The following NRXN1 variants were observed in gnomAD, a reference collection of about 807,000 sequenced individuals.
NRXN1 encodes neurexin-1.
Under a neutral mutation model 150.9 loss-of-function variants are expected in NRXN1, and 39 were observed. The observed-to-expected ratio is 0.26, with a 90% CI of 0.20 to 0.34. The LOEUF is 0.34. NRXN1 is among the 10% of genes least tolerant of loss of function. The pLI is 1.00. For missense variants in NRXN1, 1,815 were observed against 1,949.9 expected (o/e 0.93, Z 1.30); for synonymous variants, 924 against 757.0 (o/e 1.22, Z -3.62).
intron 5 of NRXN1, among the ~76,000 whole-genome samples, chr2:50,742,744 T>G (rs1303926261): frequency 6.6e-6 from 1 of 152,164 alleles, no homozygotes; most frequent in Non-Finnish European, 1.5e-5. Flanking sequence ...TTGAGAGGAT[T>G]GAGTCCTCAA....
chr2:50,280,162 C>T, intron 17 of NRXN1, among the ~76,000 whole-genome samples: 1 of 151,428 alleles, frequency 6.6e-6, no homozygotes, highest in East Asian at 2.0e-4. Context: ...CCTGTAGTCC[C>T]AGCTACTTGG....
At chr2:50,655,556 C>A (rs925031797) in intron 5 of NRXN1, among the ~76,000 whole-genome samples, 2 of 152,026 alleles carry the variant, frequency 1.3e-5, no homozygotes, top group African/African-American at 4.8e-5. Flanking sequence ...TGTTAAAAAG[C>A]CTCAGCGCTG....
chr2:50,415,895 A>C (rs1268423809), intron 17 of NRXN1, among the ~76,000 whole-genome samples: 1 of 150,112 alleles, frequency 6.7e-6, no homozygotes, highest in Admixed American at 6.7e-5. Context: ...ACTGTGAATC[A>C]CTTTCAAATT....
At chr2:50,511,795 G>C (rs766404008) in intron 12 of NRXN1, among the ~76,000 whole-genome samples, 7 of 151,998 alleles carry the variant, frequency 4.6e-5, no homozygotes, top group African/African-American at 1.2e-4. Flanking sequence ...TAGAGAGAGA[G>C]ACACACACTC....
intron 5 of NRXN1, among the ~76,000 whole-genome samples, chr2:50,754,028 G>T (rs1700912341): frequency 6.7e-6 from 1 of 148,746 alleles, no homozygotes; most frequent in Non-Finnish European, 1.5e-5. Flanking sequence ...AAATAATATT[G>T]CAGGAAAACA....
chr2:50,901,535 C>A (rs1465938497), intron 5 of NRXN1, among the ~76,000 whole-genome samples: 1 of 151,756 alleles, frequency 6.6e-6, no homozygotes, highest in Non-Finnish European at 1.5e-5. Flanking sequence ...AGACTCCGTC[C>A]CCGCAAAAAA....
intron 21 of NRXN1, chr2:49,974,145 C>A (rs1022484957): frequency 2.8e-6 from 2 of 712,982 alleles, no homozygotes; most frequent in African/African-American, 3.5e-5. Flanking sequence ...AAATTGCCTG[C>A]GCATCAGCCC....
chr2:50,217,659 G>A (rs2063496888), intron 18 of NRXN1, among the ~76,000 whole-genome samples: 1 of 151,884 alleles, frequency 6.6e-6, no homozygotes, highest in Non-Finnish European at 1.5e-5. Flanking sequence ...GCATTCTGTG[G>A]GTCTGTGGAG....
chr2:50,281,316 C>CACAAAAAAAAAAAAACAAACAAAAAAAA (rs1187135501), intron 17 of NRXN1, among the ~76,000 whole-genome samples: 7 of 124,710 alleles, frequency 5.6e-5, no homozygotes, highest in African/African-American at 2.0e-4. Flanking sequence ...GACTCCGTCT[C>CACAAAAAAAAAAAAACAAACAAAAAAAA]AAAAACAATA....
chr2:50,510,421 G>A (rs1236829236), intron 12 of NRXN1, among the ~76,000 whole-genome samples: 2 of 141,562 alleles, frequency 1.4e-5, no homozygotes, highest in African/African-American at 2.7e-5. Context: ...AGGAGGCGGA[G>A]GTTGCAGTGA....
In NRXN1 at chr2:50,472,795, TTG is replaced by T. The variant is rs113192574; in HGVS notation, c.3071-326_3071-325del. ...CTGGTTATTTGCAAGCCCTACAGCCTTGTGTGTGTGTGTGTGTGTGTGTGTGT... is the reference window on the plus strand; with the variant it reads ...CTGGTTATTTGCAAGCCCTACAGCCTTGTGTGTGTGTGTGTGTGTGTGTGT... On this transcript the variant is annotated intron_variant, in intron 15 of 22. Transcript: ENST00000401669. Among the ~76,000 whole-genome samples, 34 of 138,628 alleles carry T rather than the reference TTG, an allele frequency of 2.5e-4. No homozygotes were observed. The East Asian group carries it at 3.3e-3, about 13-fold the overall frequency. The allele number at this position is 138,628 out of a possible 152,430, so 90.9% of individuals were successfully genotyped here.
intron 21 of NRXN1, 125 bp from the exon 22 acceptor site, chr2:49,943,916 A>G (rs912568171): frequency 4.0e-6 from 3 of 745,642 alleles, no homozygotes; most frequent in Non-Finnish European, 7.2e-6. Flanking sequence ...TTCCCTTTCT[A>G]AAGACACAGA....
chr2:50,135,245 T>G (rs1706206273), intron 18 of NRXN1, among the ~76,000 whole-genome samples: 1 of 152,108 alleles, frequency 6.6e-6, no homozygotes, highest in African/African-American at 2.4e-5. Context: ...TAACCAGAAA[T>G]AGCCAGCCAG....
At chr2:50,201,223 A>C (rs539630231) in intron 18 of NRXN1, among the ~76,000 whole-genome samples, 100 of 152,332 alleles carry the variant, frequency 6.6e-4, no homozygotes, top group African/African-American at 2.3e-3. Context: ...AGCATAAAAA[A>C]CACAATAATA....
Position 50,497,569 on chromosome 2 carries a change from G to A in NRXN1, c.2643C>T (p.Asp881=), listed in dbSNP as rs1196816567. 3.1e-6 allele frequency: 5 copies of A among 1,613,874 alleles called. No homozygotes were observed. In the Admixed American group the frequency reaches 8.3e-5, roughly 27 times the overall value. ...SLTFNGMAYI[D]LCKNGDIDYC... is the part of the protein sequence containing the mutation. ...AATCTATGTCGCCATTTTTACACAG[G>A]TCAATGTATGCCATTCCATTAAATG... is the stretch of plus-strand genomic sequence containing the variant. Residue 881 remains aspartate, a synonymous_variant, in exon 14 of 23, where the codon GAC becomes GAT. Transcript: ENST00000401669.
intron 5 of NRXN1, among the ~76,000 whole-genome samples, chr2:50,697,093 T>C (rs1226073596): frequency 6.6e-6 from 1 of 151,964 alleles, no homozygotes; most frequent in Non-Finnish European, 1.5e-5. Flanking sequence ...CTGCAACCTC[T>C]CAACAACCAG....
At chr2:50,895,373 C>T (rs1038295992) in intron 5 of NRXN1, among the ~76,000 whole-genome samples, 2 of 151,730 alleles carry the variant, frequency 1.3e-5, no homozygotes, top group African/African-American at 4.8e-5. Context: ...CCCCTTACAG[C>T]AAAAAAGGCA....
chr2:50,125,324 C>CGTT (rs144998371), intron 18 of NRXN1, among the ~76,000 whole-genome samples: 2,205 of 152,156 alleles, frequency 0.014, 51 homozygotes, highest in African/African-American at 0.05. Context: ...TAATCTTTGT[C>CGTT]GTTGTTGCTG....
At chr2:50,559,938 A>C (rs1668810710) in intron 8 of NRXN1, among the ~76,000 whole-genome samples, 1 of 152,182 alleles carries the variant, frequency 6.6e-6, no homozygotes, top group African/African-American at 2.4e-5. Context: ...AGCACATATA[A>C]AGTTGGTGCT....
Sources: allele counts gnomAD v4.1 joint callset (sites outside exome capture counted in the v4.1 genomes callset), GRCh38; gene constraint gnomAD v4.1.1; transcripts MANE v1.5; gene names NCBI Gene and HGNC (gene_info 2026-07-23, HGNC 2026-07-21).